DENND4A: variants seen among roughly 807,000 people sequenced by gnomAD.
DENND4A encodes the protein C-myc promoter-binding protein.
In DENND4A, 70 loss-of-function variants were observed where a neutral mutation model predicts 199.3. That is an observed-to-expected ratio of 0.35 (90% CI 0.29 to 0.43). The LOEUF (loss-of-function observed/expected upper bound fraction) is 0.43, where lower values mean the gene tolerates loss of function less well. Among genes scored for constraint, DENND4A ranks in the 20% least tolerant of loss-of-function variants. The pLI is 1.00. For missense variants in DENND4A, 1,723 were observed against 2,255.8 expected (o/e 0.76, Z 4.78); for synonymous variants, 686 against 766.9 (o/e 0.89, Z 1.74).
intron 4 of DENND4A, among the ~76,000 whole-genome samples, chr15:65,746,934 A>G (rs1309033925): frequency 7.4e-6 from 1 of 134,440 alleles, no homozygotes. Flanking sequence ...TGTCTCTACT[A>G]AAAAAAAAAA....
intron 7 of DENND4A, among the ~76,000 whole-genome samples, chr15:65,735,016 C>T (rs559628959): frequency 6.6e-6 from 1 of 152,182 alleles, no homozygotes; most frequent in East Asian, 1.9e-4. Context: ...CCAGGAGGTC[C>T]AGGCTGCAGT....
In DENND4A at chr15:65,699,629, ATAC is replaced by A. The variant is rs1012826793; in HGVS notation, c.2833+912_2833+914del. Among the ~76,000 whole-genome samples, 20 of 148,890 alleles carry A rather than the reference ATAC, an allele frequency of 1.3e-4. 1 individual carries two copies. The East Asian group carries it at 3.1e-3, about 23-fold the overall frequency. ...TGTATTATACACACATGTTATACAT[ATAC>A]TACTACACATACATATATAATATTA... On this transcript the variant is annotated intron_variant, in intron 20 of 32. Transcript: ENST00000443035.
At position 65,733,947 on chromosome 15, in the gene DENND4A, C is replaced by T. The variant is rs1355284972; in HGVS notation, c.1041-1129G>A. On this transcript the variant is annotated intron_variant, in intron 7 of 32. Coordinates refer to ENST00000443035, the MANE Select transcript of DENND4A (RefSeq NM_001320835.1). ...CAAGTACCCAGGGACACAAATACTGCGGAAGGCCGCAGGGACCTCTGCCTA... is the reference window on the plus strand; with the variant it reads ...CAAGTACCCAGGGACACAAATACTGTGGAAGGCCGCAGGGACCTCTGCCTA... Among the ~76,000 whole-genome samples the T allele has an allele frequency of 3.3e-5, 5 of 152,326 alleles. No individual in the cohort carries two copies. In the East Asian group the frequency reaches 5.8e-4, roughly 18 times the overall value.
chr15:65,757,751 G>C (rs1432852434), intron 2 of DENND4A, among the ~76,000 whole-genome samples: 1 of 152,178 alleles, frequency 6.6e-6, no homozygotes, highest in African/African-American at 2.4e-5. Context: ...GGGAGGCCGA[G>C]GAGGGCAGAT....
intron 23 of DENND4A, among the ~76,000 whole-genome samples, chr15:65,688,579 C>G (rs989279621): frequency 6.6e-5 from 10 of 152,192 alleles, no homozygotes; most frequent in Admixed American, 1.3e-4. Context: ...GTTACTTAAG[C>G]CTTTTCTATT....
In DENND4A at chr15:65,749,384, T is replaced by C. The variant is rs149662278; in HGVS notation, c.561+2995A>G. Among the ~76,000 whole-genome samples the C allele has an allele frequency of 6.2e-3, 951 of 152,326 alleles. 15 individuals carry two copies. Among genetic ancestry groups the C allele is most frequent in the African/African-American group, 0.022 (914 of 41,570 alleles). Reference sequence around the variant, plus strand: ...AGAAAATACCTATTCAGGGTGGTTGTGCAGAACTGAGTTATTGAATGTGAA... The same window carrying C: ...AGAAAATACCTATTCAGGGTGGTTGCGCAGAACTGAGTTATTGAATGTGAA... On this transcript the variant is annotated intron_variant, in intron 4 of 32. Coordinates refer to ENST00000443035, the MANE Select transcript of DENND4A (RefSeq NM_001320835.1).
At chr15:65,685,917 T>C (rs1203251474) in intron 23 of DENND4A, among the ~76,000 whole-genome samples, 1 of 152,252 alleles carries the variant, frequency 6.6e-6, no homozygotes, top group Non-Finnish European at 1.5e-5. Flanking sequence ...AGCACAGTCT[T>C]GATAGCTGTA....
At chr15:65,778,447 T>A in intron 1 of DENND4A, among the ~76,000 whole-genome samples, 1 of 128,694 alleles carries the variant, frequency 7.8e-6, no homozygotes. Context: ...TAAAATACAG[T>A]GACCTAAAAA....
intron 1 of DENND4A, among the ~76,000 whole-genome samples, chr15:65,791,341 G>A (rs2077714613): frequency 6.6e-6 from 1 of 152,160 alleles, no homozygotes; most frequent in South Asian, 2.1e-4. Context: ...AAAAGCTGTC[G>A]CTGCGACCCA....
chr15:65,786,884 A>T (rs1052090060), intron 1 of DENND4A, among the ~76,000 whole-genome samples: 4 of 152,200 alleles, frequency 2.6e-5, no homozygotes, highest in African/African-American at 9.6e-5. Flanking sequence ...TCATTACAAC[A>T]ATTTCCTCTG....
At chr15:65,704,201 A>G (rs1317027486) in intron 15 of DENND4A, among the ~76,000 whole-genome samples, 1 of 152,210 alleles carries the variant, frequency 6.6e-6, no homozygotes, top group Non-Finnish European at 1.5e-5. Context: ...ATTATTTTAC[A>G]AAGACAATGT....
rs111515075 is a variant in DENND4A, at chr15:65,774,229, G to A, written c.-101-12791C>T. Reference sequence around the variant, plus strand: ...AAATTGGCCAGGCACGGTGGCTCACGCCTGTAATCCCAGCACTTTGGGAGG... The same window carrying A: ...AAATTGGCCAGGCACGGTGGCTCACACCTGTAATCCCAGCACTTTGGGAGG... On this transcript the variant is annotated intron_variant, in intron 1 of 32. Coordinates refer to ENST00000443035, the MANE Select transcript of DENND4A (RefSeq NM_001320835.1). Among the ~76,000 whole-genome samples, 561 of 152,158 alleles carry A rather than the reference G, an allele frequency of 3.7e-3. 2 individuals carry two copies. Among genetic ancestry groups the A allele is most frequent in the African/African-American group, 0.013 (545 of 41,498 alleles).
At chr15:65,733,544 A>G in intron 7 of DENND4A, among the ~76,000 whole-genome samples, 1 of 152,160 alleles carries the variant, frequency 6.6e-6, no homozygotes, top group South Asian at 2.1e-4. Flanking sequence ...AATATTAGAA[A>G]TTTATTAATT....
chr15:65,779,767 A>C (rs2077387617), intron 1 of DENND4A, among the ~76,000 whole-genome samples: 2 of 152,174 alleles, frequency 1.3e-5, no homozygotes, highest in Admixed American at 1.3e-4. Context: ...CTTGTGCCTC[A>C]GTCTGCCAAG....
intron 32 of DENND4A, 146 bp downstream of exon 32, chr15:65,664,184 C>G: frequency 1.9e-6 from 1 of 519,906 alleles, no homozygotes; most frequent in Non-Finnish European, 3.4e-6. Flanking sequence ...ATTCACCCCA[C>G]CTCTTGGTCC....
intron 29 of DENND4A, among the ~76,000 whole-genome samples, chr15:65,665,710 T>G (rs2076013274): frequency 6.6e-6 from 1 of 152,144 alleles, no homozygotes; most frequent in African/African-American, 2.4e-5. Context: ...CAAGAAGAAC[T>G]CATCTTGCTC....
chr15:65,727,083 G>C lies in DENND4A; in HGVS notation c.1487+1989C>G, dbSNP rs562586803. ...AATCCCAATGCTTTGAGATGCCAAG[G>C]GGGGAGGATCACATGAGGTCAGGAG... is the stretch of plus-strand genomic sequence containing the variant. On this transcript the variant is annotated intron_variant, in intron 11 of 32. Transcript: ENST00000443035. 9.2e-5 allele frequency among the ~76,000 whole-genome samples: 14 copies of C among 151,848 alleles called. No homozygotes were observed. The East Asian group carries it at 1.5e-3, about 17-fold the overall frequency.
In DENND4A at chr15:65,751,110, T is replaced by A. The variant is rs557332674; in HGVS notation, c.561+1269A>T. On this transcript the variant is annotated intron_variant, in intron 4 of 32. Transcript: ENST00000443035. ...ATCACCTAGCTCTTTAAAGAAAAAA[T>A]TTGCCTGACCCCTGGATTAGGACAC... Among the ~76,000 whole-genome samples, 75 of 152,164 alleles carry A rather than the reference T, an allele frequency of 4.9e-4. 1 individual carries two copies. The South Asian group carries it at 0.015, about 30-fold the overall frequency.
At chr15:65,695,923 T>C (rs2077129297) in intron 22 of DENND4A, among the ~76,000 whole-genome samples, 2 of 152,044 alleles carry the variant, frequency 1.3e-5, no homozygotes, top group African/African-American at 2.4e-5. Flanking sequence ...TAAAATAATA[T>C]ATAAGAAGAC....
Sources: gnomAD v4.1 joint callset for allele counts (sites outside exome capture counted in the v4.1 genomes callset) on GRCh38, gnomAD v4.1.1 for gene constraint, MANE v1.5 for transcripts, NCBI Gene and HGNC (gene_info 2026-07-23, HGNC 2026-07-21) for gene names.